The following DLGAP4 variants were observed in gnomAD, a reference collection of about 807,000 sequenced individuals.
DLGAP4 encodes disks large-associated protein 4.
DLGAP4 carries 18 observed loss-of-function variants against 86.9 expected under a neutral mutation model. That is an observed-to-expected ratio of 0.21 (90% CI 0.14 to 0.31). The LOEUF (loss-of-function observed/expected upper bound fraction) is 0.31, where lower values mean the gene tolerates loss of function less well. DLGAP4 is among the 10% of genes least tolerant of loss of function. The probability of loss-of-function intolerance (pLI) is 1.00; values close to 1 mark genes in which losing one functional copy is unlikely to be tolerated. For synonymous variants in DLGAP4, 548 were observed against 574.3 expected, an observed-to-expected ratio of 0.95 and a Z score of 0.65; for missense variants, 1,085 against 1,362.6, an observed-to-expected ratio of 0.80 and a Z score of 3.21.
chr20:36,334,670 C>G (rs2065303684), intron 1 of DLGAP4, among the ~76,000 whole-genome samples: 1 of 152,134 alleles, frequency 6.6e-6, no homozygotes, highest in African/African-American at 2.4e-5. Context: ...GGATTTTGTA[C>G]TGGGCTAGGT....
At position 36,412,361 on chromosome 20, in the gene DLGAP4, C is replaced by T. The variant is rs910678241; in HGVS notation, c.-72-19285C>T. 6.6e-5 allele frequency among the ~76,000 whole-genome samples: 10 copies of T among 152,346 alleles called. No homozygotes were observed. In the East Asian group the frequency reaches 1.4e-3, roughly 21 times the overall value. ...AAGAGGCATCTCCCAGCCTGTCAGA[C>T]GAAGGTTTTGGTGAGCCCACAGTTA... On this transcript the variant is annotated intron_variant, in intron 2 of 12. Coordinates refer to ENST00000339266, the MANE Select transcript of DLGAP4 (RefSeq NM_001365621.2).
Position 36,308,251 on chromosome 20 carries a change from G to A in DLGAP4, c.-304+1739G>A, listed in dbSNP as rs782493419. ...CGTGTGTGGTGTCCATGGCGACCCC[G>A]TACTCACCTGCCAGAGGCCTGGTGA... On this transcript the variant is annotated intron_variant, in intron 1 of 12. Transcript: ENST00000339266. The surrounding 1 kb of genome is among the most constrained non-coding windows in gnomAD (Gnocchi z 4.5). 1.3e-5 allele frequency among the ~76,000 whole-genome samples: 2 copies of A among 152,178 alleles called. No individual in the cohort carries two copies. The highest frequency in any genetic ancestry group is 1.9e-4 in the East Asian group (1 of 5,190).
chr20:36,482,290 C>T (rs936849713), intron 7 of DLGAP4, among the ~76,000 whole-genome samples: 3 of 152,308 alleles, frequency 2.0e-5, no homozygotes, highest in South Asian at 4.1e-4. Context: ...GGCCTGGCAG[C>T]GTCTGGCTTT....
At chr20:36,443,155 G>A (rs1477294982) in intron 6 of DLGAP4, among the ~76,000 whole-genome samples, 1 of 152,170 alleles carries the variant, frequency 6.6e-6, no homozygotes, top group Non-Finnish European at 1.5e-5. Flanking sequence ...TAGCTTCCAG[G>A]TCCCAGCCCC....
chr20:36,369,025 C>T (rs1452313629), intron 2 of DLGAP4, among the ~76,000 whole-genome samples: 1 of 152,192 alleles, frequency 6.6e-6, no homozygotes, highest in Non-Finnish European at 1.5e-5. Flanking sequence ...GGCCCAGTGA[C>T]GGAGAACGGG....
At chr20:36,377,009 C>T (rs977933123) in intron 2 of DLGAP4, among the ~76,000 whole-genome samples, 7 of 152,130 alleles carry the variant, frequency 4.6e-5, no homozygotes, top group Admixed American at 2.0e-4. Flanking sequence ...AGCTCCAGAT[C>T]GCCACCTGGG....
At chr20:36,349,393 G>A (rs2030064262) in intron 1 of DLGAP4, among the ~76,000 whole-genome samples, 1 of 151,602 alleles carries the variant, frequency 6.6e-6, no homozygotes, top group Non-Finnish European at 1.5e-5. Context: ...ACTCCAACCT[G>A]GGTGACAGAG....
intron 2 of DLGAP4, among the ~76,000 whole-genome samples, chr20:36,417,815 G>T (rs1355469367): frequency 4.6e-5 from 7 of 151,210 alleles, no homozygotes; most frequent in Admixed American, 3.3e-4. Flanking sequence ...ATGGGGTTTT[G>T]CTGTTGTCAC....
chr20:36,457,563 TAG>T (rs897313426), intron 7 of DLGAP4, among the ~76,000 whole-genome samples: 6 of 152,020 alleles, frequency 3.9e-5, no homozygotes, highest in Admixed American at 6.6e-5. Context: ...GTATTTTTAG[TAG>T]AGACGGGGTT....
intron 1 of DLGAP4, among the ~76,000 whole-genome samples, chr20:36,353,681 A>C (rs1205606366): frequency 6.6e-6 from 1 of 152,206 alleles, no homozygotes; most frequent in Non-Finnish European, 1.5e-5. Context: ...CTGGGGCTCC[A>C]ACCTGTGTCC....
intron 2 of DLGAP4, among the ~76,000 whole-genome samples, chr20:36,401,739 C>T (rs893583761): frequency 8.5e-5 from 13 of 152,172 alleles, no homozygotes; most frequent in Admixed American, 6.5e-4. Context: ...CCGCTTTTGA[C>T]AGAGACGAGT....
At chr20:36,348,535 C>T (rs4497925) in intron 1 of DLGAP4, among the ~76,000 whole-genome samples, 31,418 of 151,984 alleles carry the variant, frequency 0.21, 4,252 homozygotes, top group Non-Finnish European at 0.31. Flanking sequence ...TCTCCCGCCT[C>T]AGCCTCCCGA....
chr20:36,407,526 G>A (rs2032359574), intron 2 of DLGAP4, among the ~76,000 whole-genome samples: 1 of 152,094 alleles, frequency 6.6e-6, no homozygotes, highest in African/African-American at 2.4e-5. Context: ...TTGCTGGAGG[G>A]GTGACTCAAG....
At chr20:36,479,942 C>T (rs926755742) in intron 7 of DLGAP4, among the ~76,000 whole-genome samples, 1 of 152,040 alleles carries the variant, frequency 6.6e-6, no homozygotes, top group Admixed American at 6.6e-5. Flanking sequence ...CTCCGTGGGC[C>T]CTTTGCTCAG....
chr20:36,388,451 C>T (rs923361586), intron 2 of DLGAP4, among the ~76,000 whole-genome samples: 1 of 152,188 alleles, frequency 6.6e-6, no homozygotes, highest in African/African-American at 2.4e-5. Context: ...CCGTGGCCCA[C>T]CCTTCATTGA....
rs550725958 is a variant in DLGAP4 at position 36,412,814 on chromosome 20, T to C, written c.-72-18832T>C. On this transcript the variant is annotated intron_variant, in intron 2 of 12. Transcript: ENST00000339266. ...ATGGGGTGCTCTCTGTGTACACTCA[T>C]ACTGGAGCTTACAGATACATCCTCC... Among the ~76,000 whole-genome samples the C allele has an allele frequency of 2.0e-5, 3 of 152,280 alleles. No individual in the cohort carries two copies. In the South Asian group the frequency reaches 6.2e-4, roughly 32 times the overall value.
chr20:36,445,542 C>T (rs1600539583), intron 6 of DLGAP4, among the ~76,000 whole-genome samples: 1 of 152,302 alleles, frequency 6.6e-6, no homozygotes, highest in South Asian at 2.1e-4. Flanking sequence ...CCTTTCCATC[C>T]ACCCTCCAAA....
chr20:36,404,750 G>GATGAATGA (rs112826447), intron 2 of DLGAP4, among the ~76,000 whole-genome samples: 260 of 151,472 alleles, frequency 1.7e-3, no homozygotes, highest in Admixed American at 3.5e-3. Context: ...TTGTTGGTTG[G>GATGAATGA]ATGAATGAAT....
chr20:36,454,566 C>A (rs2033830912), intron 7 of DLGAP4, among the ~76,000 whole-genome samples: 1 of 152,160 alleles, frequency 6.6e-6, no homozygotes, highest in African/African-American at 2.4e-5. Flanking sequence ...CAGCCACTGT[C>A]TCCCTACTGG....
Sources: gnomAD v4.1 joint callset for allele counts (sites outside exome capture counted in the v4.1 genomes callset) on GRCh38, gnomAD v4.1.1 for gene constraint, Gnocchi (gnomAD v3.1) non-coding constraint, MANE v1.5 for transcripts, NCBI Gene and HGNC (gene_info 2026-07-23, HGNC 2026-07-21) for gene names.